The following CSMD1 variants were observed in gnomAD, a reference collection of about 807,000 sequenced individuals.
The protein encoded by CSMD1 is CUB and sushi domain-containing protein 1.
Under a neutral mutation model 417.5 loss-of-function variants are expected in CSMD1, and 213 were observed. The ratio of observed to expected loss-of-function variants is 0.51; its 90% CI spans 0.46 to 0.57. The LOEUF is 0.57. CSMD1 is among the 20% of genes least tolerant of loss of function. The probability of loss-of-function intolerance (pLI) is 0.00; values close to 1 mark genes in which losing one functional copy is unlikely to be tolerated. For synonymous variants in CSMD1, 2,862 were observed against 1,736.8 expected (o/e 1.65, Z -16.11); for missense variants, 6,923 against 4,529.7 (o/e 1.53, Z -15.17).
At chr8:2,997,025 G>C (rs749459640) in intron 54 of CSMD1, among the ~76,000 whole-genome samples, 1 of 152,218 alleles carries the variant, frequency 6.6e-6, no homozygotes, top group African/African-American at 2.4e-5. Context: ...CCCTCCTCTG[G>C]TCAGGGGCTG....
intron 3 of CSMD1, among the ~76,000 whole-genome samples, chr8:4,382,343 G>A (rs535593698): frequency 6.6e-6 from 1 of 152,338 alleles, no homozygotes; most frequent in Admixed American, 6.5e-5. Flanking sequence ...CAGTGCTCAT[G>A]ACTGGTCGAC....
chr8:4,589,696 G>T (rs747238384), intron 2 of CSMD1, among the ~76,000 whole-genome samples: 1 of 152,072 alleles, frequency 6.6e-6, no homozygotes, highest in Non-Finnish European at 1.5e-5. Flanking sequence ...ATTGTTGAAT[G>T]GTACAATTAG....
At chr8:4,802,533 A>C (rs1019077315) in intron 1 of CSMD1, among the ~76,000 whole-genome samples, 3 of 152,178 alleles carry the variant, frequency 2.0e-5, no homozygotes, top group Admixed American at 2.0e-4. Context: ...ATTTCCAAGC[A>C]ACTTGAAACT....
chr8:4,429,187 A>G (rs1797731360), intron 2 of CSMD1, among the ~76,000 whole-genome samples: 1 of 151,332 alleles, frequency 6.6e-6, no homozygotes, highest in Non-Finnish European at 1.5e-5. Flanking sequence ...ATTGGATAGA[A>G]TTCTAAAAGG....
intron 4 of CSMD1, among the ~76,000 whole-genome samples, chr8:4,006,559 T>G (rs1235289979): frequency 1.3e-5 from 2 of 152,078 alleles, no homozygotes; most frequent in Non-Finnish European, 2.9e-5. Context: ...AATAAATAAA[T>G]AAATAATGGC....
chr8:3,956,856 G>C (rs2954646), intron 5 of CSMD1, among the ~76,000 whole-genome samples: 69,080 of 151,972 alleles, frequency 0.45, 16,505 homozygotes, highest in East Asian at 0.73. Flanking sequence ...TTCCTGACTA[G>C]GAACTCCTTG....
At chr8:3,478,505 C>T (rs1346810921) in intron 11 of CSMD1, among the ~76,000 whole-genome samples, 2 of 152,126 alleles carry the variant, frequency 1.3e-5, no homozygotes, top group Non-Finnish European at 2.9e-5. Context: ...GAAGACACTG[C>T]TAAAATGTGA....
At chr8:3,634,546 T>C (rs958391252) in intron 7 of CSMD1, among the ~76,000 whole-genome samples, 2 of 152,152 alleles carry the variant, frequency 1.3e-5, no homozygotes, top group Non-Finnish European at 2.9e-5. Flanking sequence ...CTTTTTTGCC[T>C]TTAAACTGTC....
intron 2 of CSMD1, among the ~76,000 whole-genome samples, chr8:4,514,666 T>G (rs1803019420): frequency 6.6e-6 from 1 of 152,142 alleles, no homozygotes; most frequent in African/African-American, 2.4e-5. Flanking sequence ...AAAGTAGACC[T>G]CAACTACATA....
intron 5 of CSMD1, among the ~76,000 whole-genome samples, chr8:3,915,936 C>T (rs1808791660): frequency 6.6e-6 from 1 of 151,122 alleles, no homozygotes; most frequent in Non-Finnish European, 1.5e-5. Flanking sequence ...CCTACATAAA[C>T]TGGCTCCAAA....
chr8:3,132,099 G>A (rs945892722), intron 41 of CSMD1, among the ~76,000 whole-genome samples: 7 of 152,140 alleles, frequency 4.6e-5, no homozygotes, highest in Admixed American at 2.0e-4. Context: ...TTCTGCTCAC[G>A]TGGAACTTTC....
chr8:3,906,238 A>G (rs2627417), intron 5 of CSMD1, among the ~76,000 whole-genome samples: 17,208 of 152,106 alleles, frequency 0.11, 1,305 homozygotes, highest in African/African-American at 0.21. Context: ...AAAATGCCAT[A>G]GCATTGCATT....
chr8:4,318,149 A>C (rs1197346583), intron 3 of CSMD1, among the ~76,000 whole-genome samples: 1 of 152,154 alleles, frequency 6.6e-6, no homozygotes, highest in Non-Finnish European at 1.5e-5. Context: ...TTTATGAAAT[A>C]ATATGAACAT....
intron 1 of CSMD1, among the ~76,000 whole-genome samples, chr8:4,796,929 A>G (rs574748264): frequency 2.0e-5 from 3 of 152,318 alleles, no homozygotes; most frequent in South Asian, 2.1e-4. Context: ...GTGTGGCTGC[A>G]TGGAGGGGGC....
intron 3 of CSMD1, among the ~76,000 whole-genome samples, chr8:4,173,129 G>A (rs760860569): frequency 3.9e-5 from 6 of 152,142 alleles, no homozygotes; most frequent in Non-Finnish European, 7.3e-5. Flanking sequence ...ACTATACAGT[G>A]CAACAAGTAT....
intron 1 of CSMD1, 84 bp downstream of exon 1, chr8:4,994,248 G>T: frequency 6.4e-6 from 8 of 1,254,208 alleles, no homozygotes; most frequent in Non-Finnish European, 9.1e-6. Flanking sequence ...CGTACCCTGC[G>T]GTCCCCAAAA....
At chr8:4,508,862 G>A (rs1435165255) in intron 2 of CSMD1, among the ~76,000 whole-genome samples, 3 of 152,030 alleles carry the variant, frequency 2.0e-5, no homozygotes, top group Non-Finnish European at 1.5e-5. Context: ...AAGCTTTCTG[G>A]AAGCTTTTAG....
rs1002822109 is a variant in CSMD1, at chr8:4,195,072, G to A, written c.416-162973C>T. On this transcript the variant is annotated intron_variant, in intron 3 of 69. Coordinates refer to ENST00000635120, the MANE Select transcript of CSMD1 (RefSeq NM_033225.6). ...TTACAAAGCAGTATTCAGCTGTTAC[G>A]CCTAGAATTCTGCCCATGAAATTGG... is the stretch of plus-strand genomic sequence containing the variant. Among the ~76,000 whole-genome samples, 5 of 152,088 alleles carry A rather than the reference G, an allele frequency of 3.3e-5. No homozygotes were observed. The East Asian group carries it at 5.8e-4, about 18-fold the overall frequency.
intron 3 of CSMD1, among the ~76,000 whole-genome samples, chr8:4,200,321 T>C (rs1320531949): frequency 6.6e-6 from 1 of 152,176 alleles, no homozygotes; most frequent in Admixed American, 6.5e-5. Flanking sequence ...GTCACTTAGA[T>C]ATGGTATGCT....
Sources: gnomAD v4.1 joint callset for allele counts (sites outside exome capture counted in the v4.1 genomes callset) on GRCh38, gnomAD v4.1.1 for gene constraint, MANE v1.5 for transcripts, NCBI Gene and HGNC (gene_info 2026-07-23, HGNC 2026-07-21) for gene names.